Variants in KCNG3 observed in about 807,000 individuals in gnomAD.
KCNG3 encodes voltage-gated potassium channel regulatory subunit KCNG3.
In KCNG3, 15 loss-of-function variants were observed where a neutral mutation model predicts 29.0. That is an observed-to-expected ratio of 0.52 (90% CI 0.35 to 0.80). The LOEUF (loss-of-function observed/expected upper bound fraction) is 0.80, where lower values mean the gene tolerates loss of function less well. Ranked by LOEUF, KCNG3 falls within the 30% of genes least tolerant of loss-of-function variation. KCNG3 has a pLI of 0.01. For missense variants in KCNG3, 512 were observed against 605.7 expected (o/e 0.85, Z 1.62); for synonymous variants, 322 against 248.9 (o/e 1.29, Z -2.76).
At chr2:42,419,656 C>A in the KCNG3 span, among the ~76,000 whole-genome samples, 1 of 152,174 alleles carries the variant, frequency 6.6e-6, no homozygotes, top group Non-Finnish European at 1.5e-5. Flanking sequence ...AACCTTAGCA[C>A]TCAGCTACTC....
the KCNG3 span, among the ~76,000 whole-genome samples, chr2:42,395,050 G>A: frequency 6.6e-6 from 1 of 152,164 alleles, no homozygotes; most frequent in African/African-American, 2.4e-5. Flanking sequence ...GCTCATCAGA[G>A]CAACCAAAGC....
At chr2:42,427,247 A>G in the KCNG3 span, among the ~76,000 whole-genome samples, 7 of 152,228 alleles carry the variant, frequency 4.6e-5, no homozygotes, top group African/African-American at 1.7e-4. Context: ...TGCGAGGGAT[A>G]GTGAGGTGGT....
the KCNG3 span, among the ~76,000 whole-genome samples, chr2:42,392,480 G>C: frequency 6.6e-6 from 1 of 152,110 alleles, no homozygotes; most frequent in South Asian, 2.1e-4. Context: ...ATTCAGGGGT[G>C]GTAGTGCACA....
chr2:42,449,315 G>A (rs1449633624), intron 1 of KCNG3, among the ~76,000 whole-genome samples: 1 of 151,984 alleles, frequency 6.6e-6, no homozygotes, highest in African/African-American at 2.4e-5. Flanking sequence ...TACAAATTAT[G>A]TAAAATTTGA....
intron 1 of KCNG3, among the ~76,000 whole-genome samples, chr2:42,460,733 A>AG (rs1672994273): frequency 6.6e-6 from 1 of 152,210 alleles, no homozygotes; most frequent in South Asian, 2.1e-4. Context: ...TAGATTAAAC[A>AG]GGTACACGAC....
the KCNG3 span, among the ~76,000 whole-genome samples, chr2:42,431,743 A>T: frequency 6.6e-6 from 1 of 152,352 alleles, no homozygotes; most frequent in African/African-American, 2.4e-5. Flanking sequence ...TACATTAAAA[A>T]ATCTGGGCTT....
At chr2:42,415,420 T>C in the KCNG3 span, 10 of 152,222 alleles carry the variant, frequency 6.6e-5, no homozygotes, top group Non-Finnish European at 8.8e-5. Flanking sequence ...CTAGGTTATA[T>C]GACTAGCTTT....
the KCNG3 span, among the ~76,000 whole-genome samples, chr2:42,426,122 A>C: frequency 6.6e-6 from 1 of 152,212 alleles, no homozygotes; most frequent in Non-Finnish European, 1.5e-5. Flanking sequence ...AAAAAGCTCC[A>C]ACCATAAATT....
At chr2:42,474,462 A>C (rs1271387866) in intron 1 of KCNG3, among the ~76,000 whole-genome samples, 1 of 152,196 alleles carries the variant, frequency 6.6e-6, no homozygotes, top group Non-Finnish European at 1.5e-5. Flanking sequence ...CAGGAGGCGC[A>C]GGTTGCAGTG....
the KCNG3 span, among the ~76,000 whole-genome samples, chr2:42,394,621 T>C: frequency 6.6e-6 from 1 of 152,210 alleles, no homozygotes; most frequent in Admixed American, 6.5e-5. Context: ...CTGAGATAAA[T>C]GCATATCTGA....
chr2:42,414,605 C>A, the KCNG3 span, among the ~76,000 whole-genome samples: 10 of 151,604 alleles, frequency 6.6e-5, no homozygotes, highest in Middle Eastern at 3.4e-3. Context: ...GTGGTTTCAA[C>A]CTGACAATTT....
downstream of KCNG3, chr2:42,440,561 T>C (rs1270369700): frequency 6.6e-6 from 1 of 150,638 alleles, no homozygotes; most frequent in African/African-American, 2.4e-5. Flanking sequence ...AACACCAACA[T>C]CCAAATTAAC....
intron 1 of KCNG3, among the ~76,000 whole-genome samples, chr2:42,465,689 G>A (rs1673125161): frequency 1.3e-5 from 2 of 151,998 alleles, no homozygotes; most frequent in Admixed American, 1.3e-4. Flanking sequence ...AAAATAAATT[G>A]GCAAACCAAA....
chr2:42,480,363 G>A (rs1167900043), intron 1 of KCNG3, among the ~76,000 whole-genome samples: 1 of 152,176 alleles, frequency 6.6e-6, no homozygotes, highest in Non-Finnish European at 1.5e-5. Context: ...CCTGTAGCTA[G>A]ACACTGGTAA....
chr2:42,409,469 T>G, the KCNG3 span, among the ~76,000 whole-genome samples: 3 of 151,970 alleles, frequency 2.0e-5, no homozygotes, highest in Non-Finnish European at 4.4e-5. Flanking sequence ...TTTGGGAGGC[T>G]GAGGCATGAG....
chr2:42,402,706 T>A, the KCNG3 span, among the ~76,000 whole-genome samples: 3 of 152,208 alleles, frequency 2.0e-5, no homozygotes, highest in Admixed American at 1.3e-4. Context: ...TATAACAAGA[T>A]CTCACAATAT....
At chr2:42,488,572 C>T (rs1673786298) in intron 1 of KCNG3, among the ~76,000 whole-genome samples, 1 of 146,668 alleles carries the variant, frequency 6.8e-6, no homozygotes, top group Non-Finnish European at 1.5e-5. Context: ...TTTTTTGAGA[C>T]TCAGTCTCAC....
intron 1 of KCNG3, among the ~76,000 whole-genome samples, chr2:42,482,510 G>A (rs1242772623): frequency 1.3e-5 from 2 of 152,088 alleles, no homozygotes; most frequent in Middle Eastern, 3.2e-3. Context: ...GGATCACAAG[G>A]TCAGGAGTTC....
At chr2:42,474,302 C>CGG (rs1673367456) in intron 1 of KCNG3, among the ~76,000 whole-genome samples, 1 of 150,676 alleles carries the variant, frequency 6.6e-6, no homozygotes, top group African/African-American at 2.4e-5. Flanking sequence ...CCAAGGTGGG[C>CGG]GGATCACCTG....
Sources: allele counts gnomAD v4.1 joint callset (sites outside exome capture counted in the v4.1 genomes callset), GRCh38; gene constraint gnomAD v4.1.1; transcripts MANE v1.5; gene names NCBI Gene and HGNC (gene_info 2026-07-23, HGNC 2026-07-21).